Variants in TRIM36 observed in about 807,000 individuals in gnomAD.
TRIM36 encodes the protein E3 ubiquitin-protein ligase TRIM36.
TRIM36 carries 42 observed loss-of-function variants against 72.4 expected under a neutral mutation model. That is an observed-to-expected ratio of 0.58 (90% CI 0.45 to 0.75). The LOEUF (loss-of-function observed/expected upper bound fraction) is 0.75, where lower values mean the gene tolerates loss of function less well. TRIM36 is among the 30% of genes least tolerant of loss of function. TRIM36 has a pLI of 0.00. For missense variants in TRIM36, 913 were observed against 857.1 expected, an observed-to-expected ratio of 1.07 and a Z score of -0.81; for synonymous variants, 315 against 282.8, an observed-to-expected ratio of 1.11 and a Z score of -1.14.
intron 1 of TRIM36, among the ~76,000 whole-genome samples, chr5:115,165,187 A>G (rs1422240635): frequency 6.6e-6 from 1 of 152,166 alleles, no homozygotes; most frequent in African/African-American, 2.4e-5. Context: ...CAGGCGCATG[A>G]TGAAAGCTGT....
exon 1 of TRIM36, chr5:115,180,145 A>G (rs1755553714): frequency 8.2e-6 from 9 of 1,099,286 alleles, no homozygotes; most frequent in Admixed American, 4.0e-5. Context: ...CTCCCCGCCC[A>G]TAAGCTGTTA....
intron 2 of TRIM36, among the ~76,000 whole-genome samples, chr5:115,160,590 C>A (rs1458452750): frequency 1.3e-5 from 2 of 152,172 alleles, no homozygotes; most frequent in Admixed American, 6.5e-5. Flanking sequence ...GTAATCCCAG[C>A]ACTTTGGAAG....
rs748279106 is a variant in TRIM36, at chr5:115,126,508, T to C, written c.2146A>G (p.Met716Val). The change falls in exon 10 of 10, where the codon ATG becomes GTG. Residue 716 changes from methionine to valine, a missense_variant. Transcript: ENST00000513154. Reference protein sequence around the residue: ...TAKYLEYQEDM With the variant: ...TAKYLEYQEDV ...AGTCACATCAGATGTTTCAACTACA[T>C]GTCCTCTTGGTATTCCAGATATTTT... 6 of 1,604,240 alleles carry C rather than the reference T, an allele frequency of 3.7e-6. No individual in the cohort carries two copies. Among genetic ancestry groups the C allele is most frequent in the Non-Finnish European group, 8.5e-7 (1 of 1,172,120 alleles).
chr5:115,150,514 G>A (rs1003429142), intron 2 of TRIM36, among the ~76,000 whole-genome samples: 2 of 152,146 alleles, frequency 1.3e-5, no homozygotes, highest in Non-Finnish European at 2.9e-5. Context: ...AAAACAGAGG[G>A]ATCATCACAA....
At chr5:115,174,414 A>G (rs1755246339), upstream of TRIM36, 1 of 152,240 alleles carries the variant, frequency 6.6e-6, no homozygotes, top group Non-Finnish European at 1.5e-5. Flanking sequence ...AAAGTAAATT[A>G]CAGGGTTTTC....
At chr5:115,145,250 C>G (rs968167595) in intron 3 of TRIM36, among the ~76,000 whole-genome samples, 1 of 152,150 alleles carries the variant, frequency 6.6e-6, no homozygotes, top group Non-Finnish European at 1.5e-5. Flanking sequence ...GATGTGTTTC[C>G]TTTTACAAAT....
upstream of TRIM36, among the ~76,000 whole-genome samples, chr5:115,171,890 T>C (rs1755131701): frequency 6.6e-6 from 1 of 152,222 alleles, no homozygotes; most frequent in South Asian, 2.1e-4. Flanking sequence ...AGGTTTTAGT[T>C]GTGTGAGCAA....
intron 2 of TRIM36, among the ~76,000 whole-genome samples, chr5:115,161,973 C>A (rs1561443406): frequency 6.6e-6 from 1 of 152,130 alleles, no homozygotes; most frequent in Non-Finnish European, 1.5e-5. Flanking sequence ...TATACTTAGC[C>A]CATTTCATTT....
chr5:115,155,314 C>T (rs1257322241), intron 2 of TRIM36, among the ~76,000 whole-genome samples: 1 of 152,188 alleles, frequency 6.6e-6, no homozygotes, highest in Non-Finnish European at 1.5e-5. Flanking sequence ...CACCACTGCA[C>T]TTCAGCCTGG....
At chr5:115,169,487 A>C in intron 1 of TRIM36, 121 bp downstream of exon 1, 2 of 1,122,258 alleles carry the variant, frequency 1.8e-6, no homozygotes, top group South Asian at 1.6e-5. Context: ...CGGGATCCCC[A>C]CACGCCTGCC....
chr5:115,152,906 A>T (rs565991744), intron 2 of TRIM36, among the ~76,000 whole-genome samples: 94 of 152,304 alleles, frequency 6.2e-4, no homozygotes, highest in African/African-American at 2.2e-3. Context: ...ATCAAAACAG[A>T]ACCTCTTTAA....
intron 5 of TRIM36, among the ~76,000 whole-genome samples, chr5:115,140,534 A>C (rs1057061858): frequency 1.1e-4 from 17 of 152,212 alleles, no homozygotes; most frequent in African/African-American, 4.1e-4. Flanking sequence ...AGATAAAAGA[A>C]CATTACCAGT....
Position 115,169,662 on chromosome 5 carries a change from G to A in TRIM36, c.-28C>T. 1.3e-6 allele frequency: 2 copies of A among 1,519,656 alleles called. No individual in the cohort carries two copies. Among genetic ancestry groups the A allele is most frequent in the Non-Finnish European group, 1.8e-6 (2 of 1,138,898 alleles). 94.1% of individuals were successfully genotyped at this position (1,519,656 alleles called of 1,614,324 possible). A position where few individuals can be genotyped will look rare whatever the true frequency, so the allele number is the denominator to read the frequency against. The stretch of plus-strand genomic sequence containing the variant: ...CTGCCTTCTGCCAGGTGTCATCAGC[G>A]GCACGTTCCACTCACACCGGCTACC... On this transcript the variant is annotated 5_prime_UTR_variant, in exon 1 of 10. Transcript: ENST00000513154.
intron 5 of TRIM36, among the ~76,000 whole-genome samples, chr5:115,138,902 G>T (rs1436339769): frequency 6.6e-6 from 1 of 152,018 alleles, no homozygotes; most frequent in Non-Finnish European, 1.5e-5. Context: ...TGCAAGCTCC[G>T]CCTCCAAGGT....
intron 2 of TRIM36, among the ~76,000 whole-genome samples, chr5:115,162,373 T>C (rs1244488516): frequency 6.6e-6 from 1 of 152,220 alleles, no homozygotes; most frequent in Admixed American, 6.5e-5. Flanking sequence ...TGTGGCACTC[T>C]CTGTACAAAT....
chr5:115,137,936 T>A (rs1325486871), intron 5 of TRIM36, among the ~76,000 whole-genome samples: 1 of 152,204 alleles, frequency 6.6e-6, no homozygotes, highest in East Asian at 1.9e-4. Flanking sequence ...ATAAACAATT[T>A]AGTCAATTAA....
chr5:115,142,935 T>C (rs1216182307), intron 4 of TRIM36, among the ~76,000 whole-genome samples: 1 of 152,110 alleles, frequency 6.6e-6, no homozygotes. Flanking sequence ...CAGAGTCTCC[T>C]GAGGGCAAAC....
chr5:115,147,503 A>T (rs1753657232), intron 2 of TRIM36, 109 bp from the exon 3 acceptor site: 1 of 1,255,608 alleles, frequency 8.0e-7, no homozygotes, highest in African/African-American at 1.5e-5. Context: ...TCACAAAAAC[A>T]GTATCCGAAG....
upstream of TRIM36, chr5:115,180,213 G>A: frequency 3.5e-6 from 2 of 576,128 alleles, no homozygotes; most frequent in Non-Finnish European, 6.0e-6. Context: ...GTGAAATGAA[G>A]GCCATCGAGG....
Sources: allele counts gnomAD v4.1 joint callset (sites outside exome capture counted in the v4.1 genomes callset), GRCh38; gene constraint gnomAD v4.1.1; transcripts MANE v1.5; gene names NCBI Gene and HGNC (gene_info 2026-07-23, HGNC 2026-07-21).